Variants in CAMTA1 observed in about 807,000 individuals in gnomAD.
CAMTA1 encodes calmodulin binding transcription activator 1, also known as calmodulin-binding transcription activator 1.
CAMTA1 carries 27 observed loss-of-function variants against 170.9 expected under a neutral mutation model. The observed-to-expected ratio is 0.16, with a 90% CI of 0.12 to 0.22. CAMTA1 has a LOEUF of 0.22. Among genes scored for constraint, CAMTA1 ranks in the 10% least tolerant of loss-of-function variants. The probability of loss-of-function intolerance (pLI) is 1.00; values close to 1 mark genes in which losing one functional copy is unlikely to be tolerated. For missense variants in CAMTA1, 1,619 were observed against 2,217.2 expected (o/e 0.73, Z 5.42); for synonymous variants, 833 against 891.5 (o/e 0.93, Z 1.17).
chr1:6,926,427 T>TTTC (rs1229973060), intron 3 of CAMTA1, among the ~76,000 whole-genome samples: 1 of 145,090 alleles, frequency 6.9e-6, no homozygotes, highest in African/African-American at 2.6e-5. Context: ...TCTTTTCTCT[T>TTTC]TCTTTCTTTT....
At chr1:7,240,799 C>T (rs570635253) in intron 4 of CAMTA1, among the ~76,000 whole-genome samples, 36 of 152,270 alleles carry the variant, frequency 2.4e-4, no homozygotes, top group Admixed American at 7.8e-4. Context: ...AGCCACCACA[C>T]CTGGTCTGGA....
At chr1:7,473,071 G>A (rs2093361057) in intron 6 of CAMTA1, among the ~76,000 whole-genome samples, 1 of 152,186 alleles carries the variant, frequency 6.6e-6, no homozygotes, top group South Asian at 2.1e-4. Context: ...GGGGAGAGAT[G>A]AAGCTCCAGA....
chr1:7,625,007 G>C (rs557089996), intron 6 of CAMTA1, among the ~76,000 whole-genome samples: 2 of 152,230 alleles, frequency 1.3e-5, no homozygotes, highest in Admixed American at 6.5e-5. Flanking sequence ...GGCAGAGCAG[G>C]CTGAATGGTC....
At chr1:7,302,562 G>A (rs1421384157) in intron 5 of CAMTA1, among the ~76,000 whole-genome samples, 1 of 152,174 alleles carries the variant, frequency 6.6e-6, no homozygotes, top group East Asian at 1.9e-4. Context: ...GCAATGCTGC[G>A]AGTAATGAAA....
At chr1:7,340,746 A>C (rs938294062) in intron 5 of CAMTA1, among the ~76,000 whole-genome samples, 2 of 151,590 alleles carry the variant, frequency 1.3e-5, no homozygotes, top group Non-Finnish European at 2.9e-5. Context: ...CCATCCATCC[A>C]TCCATCCATC....
intron 3 of CAMTA1, among the ~76,000 whole-genome samples, chr1:6,880,858 G>A (rs968406387): frequency 6.6e-6 from 1 of 152,174 alleles, no homozygotes; most frequent in Non-Finnish European, 1.5e-5. Flanking sequence ...TATCTAGAAT[G>A]AAGCAATAAA....
At chr1:7,147,896 A>G (rs1247027311) in intron 4 of CAMTA1, among the ~76,000 whole-genome samples, 3 of 149,558 alleles carry the variant, frequency 2.0e-5, no homozygotes, top group Non-Finnish European at 3.0e-5. Context: ...AACATATACC[A>G]TGCACACACA....
chr1:7,617,537 CA>C (rs1230626614), intron 6 of CAMTA1, among the ~76,000 whole-genome samples: 1 of 152,088 alleles, frequency 6.6e-6, no homozygotes, highest in African/African-American at 2.4e-5. Flanking sequence ...AGCATATCAG[CA>C]AAGCAAATAA....
intron 3 of CAMTA1, among the ~76,000 whole-genome samples, chr1:7,076,009 G>A (rs1301970758): frequency 1.3e-5 from 2 of 152,144 alleles, no homozygotes; most frequent in Non-Finnish European, 1.5e-5. Flanking sequence ...GGTCTTCGTA[G>A]ATCATAAGCT....
chr1:7,352,660 G>C (rs845236), intron 5 of CAMTA1, among the ~76,000 whole-genome samples: 125,631 of 152,262 alleles, frequency 0.83, 53,303 homozygotes, highest in East Asian at 0.99. Flanking sequence ...CCTGGCCTCA[G>C]CCCAGCAGGC....
chr1:7,092,133 G>A lies in CAMTA1; in HGVS notation c.302+762G>A, dbSNP rs1333030966. 6.6e-6 allele frequency among the ~76,000 whole-genome samples: 1 copy of A among 152,232 alleles called. No homozygotes were observed. Among genetic ancestry groups the A allele is most frequent in the African/African-American group, 2.4e-5 (1 of 41,462 alleles). On this transcript the variant is annotated intron_variant, in intron 4 of 22. Transcript: ENST00000303635. The surrounding 1 kb of genome is among the most constrained non-coding windows in gnomAD (Gnocchi z 5.0). ...CGTAAGTTTTCTGTTAGCAGTGACAGGACCCAGGTGTTTATTAGCTGGCGG... is the reference window on the plus strand; with the variant it reads ...CGTAAGTTTTCTGTTAGCAGTGACAAGACCCAGGTGTTTATTAGCTGGCGG...
intron 4 of CAMTA1, among the ~76,000 whole-genome samples, chr1:7,145,590 G>A (rs372089984): frequency 2.0e-5 from 3 of 152,278 alleles, no homozygotes; most frequent in East Asian, 1.9e-4. Flanking sequence ...GCCTTCCCTC[G>A]TCTCTGTCTG....
chr1:7,336,270 C>G (rs889042464), intron 5 of CAMTA1, among the ~76,000 whole-genome samples: 1 of 152,204 alleles, frequency 6.6e-6, no homozygotes, highest in Non-Finnish European at 1.5e-5. Flanking sequence ...ATGGAGAGCA[C>G]GTGTGTTCAT....
At chr1:7,699,635 C>A (rs1378296130) in intron 11 of CAMTA1, among the ~76,000 whole-genome samples, 1 of 152,184 alleles carries the variant, frequency 6.6e-6, no homozygotes, top group African/African-American at 2.4e-5. Context: ...ATTTCCACCA[C>A]CAGTGTACAA....
intron 5 of CAMTA1, among the ~76,000 whole-genome samples, chr1:7,339,758 G>C (rs377494938): frequency 6.6e-6 from 1 of 151,916 alleles, no homozygotes; most frequent in South Asian, 2.1e-4. Context: ...CACCATGCCC[G>C]GCTAATTTTT....
intron 11 of CAMTA1, among the ~76,000 whole-genome samples, chr1:7,714,310 T>C (rs985291556): frequency 2.0e-5 from 3 of 152,176 alleles, no homozygotes; most frequent in Non-Finnish European, 4.4e-5. Flanking sequence ...TACATTCAGA[T>C]TTAGAAATCA....
Position 7,671,034 on chromosome 1 carries a change from C to T in CAMTA1, c.2776C>T (p.Pro926Ser), listed in dbSNP as rs1327872857. 1 of 1,613,302 alleles carries T rather than the reference C, an allele frequency of 6.2e-7. No homozygotes were observed. The highest frequency in any genetic ancestry group is 8.5e-7 in the Non-Finnish European group (1 of 1,179,884). The change falls in exon 10 of 23, where the codon CCA (proline) becomes TCA (serine). Residue 926 changes from proline (P) to serine (S), a missense_variant. By Grantham distance (74) the Pro-to-Ser change is moderately conservative (BLOSUM62 -1). Around this residue, in one of 8 missense-constraint regions of CAMTA1, gnomAD observed 29 missense variants for 70.9 expected, o/e 0.41. Coordinates refer to ENST00000303635, the MANE Select transcript of CAMTA1 (RefSeq NM_015215.4). ...IQPGVLRCYC[P>S]AHDTGLVTLQ... Reference sequence around the variant, plus strand: ...GCCTGGGGTGCTGCGCTGCTACTGCCCAGGTGAGAAAGCCGCCCCCCAGGC... The same window carrying T: ...GCCTGGGGTGCTGCGCTGCTACTGCTCAGGTGAGAAAGCCGCCCCCCAGGC...
intron 6 of CAMTA1, among the ~76,000 whole-genome samples, chr1:7,527,530 G>A (rs898915817): frequency 1.3e-5 from 2 of 152,244 alleles, no homozygotes; most frequent in Admixed American, 6.5e-5. Context: ...AGAGGCAAGA[G>A]TATAGCACAG....
intron 4 of CAMTA1, among the ~76,000 whole-genome samples, chr1:7,179,965 A>G (rs1449395609): frequency 1.3e-5 from 2 of 152,228 alleles, no homozygotes; most frequent in Non-Finnish European, 2.9e-5. Context: ...TTAAAACATT[A>G]ACAAATGAAT....
Sources: gnomAD v4.1 joint callset for allele counts (sites outside exome capture counted in the v4.1 genomes callset) on GRCh38, gnomAD v4.1.1 for gene constraint, gnomAD v4.1.1 regional missense constraint, Gnocchi (gnomAD v3.1) non-coding constraint, MANE v1.5 for transcripts, NCBI Gene and HGNC (gene_info 2026-07-23, HGNC 2026-07-21) for gene names.